FYN: variants seen among roughly 807,000 people sequenced by gnomAD.
The protein encoded by FYN is tyrosine-protein kinase Fyn.
Under a neutral mutation model 70.2 loss-of-function variants are expected in FYN, and 10 were observed. That is an observed-to-expected ratio of 0.14 (90% CI 0.09 to 0.24). The LOEUF (loss-of-function observed/expected upper bound fraction) is 0.24, where lower values mean the gene tolerates loss of function less well. FYN is among the 10% of genes least tolerant of loss of function. FYN has a pLI of 1.00. For synonymous variants in FYN, 236 were observed against 248.6 expected, an observed-to-expected ratio of 0.95 and a Z score of 0.48; for missense variants, 319 against 673.1, an observed-to-expected ratio of 0.47 and a Z score of 5.82.
At chr6:111,831,750 T>G (rs1175503928) in intron 2 of FYN, among the ~76,000 whole-genome samples, 1 of 152,220 alleles carries the variant, frequency 6.6e-6, no homozygotes. Flanking sequence ...AGCCCTCCTG[T>G]CTCTCTTAGG....
At chr6:111,718,291 G>C (rs1800765149) in intron 4 of FYN, among the ~76,000 whole-genome samples, 1 of 152,210 alleles carries the variant, frequency 6.6e-6, no homozygotes, top group Admixed American at 6.5e-5. Context: ...GCAGTATTGG[G>C]AGAAAGGACA....
chr6:111,834,277 A>G (rs1443519954), intron 2 of FYN, among the ~76,000 whole-genome samples: 1 of 151,860 alleles, frequency 6.6e-6, no homozygotes, highest in Non-Finnish European at 1.5e-5. Context: ...AGGATTGTTT[A>G]TTTCTCTCTC....
chr6:111,767,525 C>T (rs920553726), intron 3 of FYN, among the ~76,000 whole-genome samples: 2 of 151,726 alleles, frequency 1.3e-5, no homozygotes, highest in Non-Finnish European at 2.9e-5. Flanking sequence ...TCTCAGCCTC[C>T]GAGTAGCTGG....
intron 10 of FYN, among the ~76,000 whole-genome samples, chr6:111,695,165 A>G (rs931845944): frequency 9.2e-5 from 14 of 152,250 alleles, no homozygotes; most frequent in African/African-American, 3.1e-4. Context: ...CTCAGGTCCC[A>G]TCCCAGATCG....
chr6:111,742,754 T>C (rs556012303), intron 3 of FYN, among the ~76,000 whole-genome samples: 1 of 152,280 alleles, frequency 6.6e-6, no homozygotes, highest in African/African-American at 2.4e-5. Context: ...CCATCTTATG[T>C]CAAAAGTAAA....
At chr6:111,837,364 C>G (rs1170381343) in intron 2 of FYN, among the ~76,000 whole-genome samples, 1 of 151,992 alleles carries the variant, frequency 6.6e-6, no homozygotes, top group Non-Finnish European at 1.5e-5. Context: ...TCCCCTACTC[C>G]TACTCTTTAG....
At chr6:111,862,914 A>T (rs1344536774) in intron 1 of FYN, among the ~76,000 whole-genome samples, 2 of 152,226 alleles carry the variant, frequency 1.3e-5, no homozygotes, top group Non-Finnish European at 2.9e-5. Flanking sequence ...AAAGGAAAAC[A>T]AAGGCCGGAG....
chr6:111,750,197 C>A (rs758493335), intron 3 of FYN, among the ~76,000 whole-genome samples: 10 of 152,196 alleles, frequency 6.6e-5, no homozygotes, highest in Non-Finnish European at 1.0e-4. Context: ...TAATCCCCAA[C>A]TTTGGAGGTG....
intron 3 of FYN, among the ~76,000 whole-genome samples, chr6:111,778,576 TG>T (rs1302104577): frequency 6.6e-6 from 1 of 152,000 alleles, no homozygotes; most frequent in Non-Finnish European, 1.5e-5. Flanking sequence ...CTTTTGTTTT[TG>T]TTTTTTTTTT....
At chr6:111,747,041 A>C (rs1037618665) in intron 3 of FYN, among the ~76,000 whole-genome samples, 1 of 152,152 alleles carries the variant, frequency 6.6e-6, no homozygotes, top group Non-Finnish European at 1.5e-5. Context: ...AATATTCTTT[A>C]AAAAATTAAA....
At position 111,673,622 on chromosome 6, in the gene FYN, GTT is replaced by G. The variant is rs71021858; in HGVS notation, c.1405+875_1405+876del. ...AATCGTCACTATCGTTTCTATCATT[GTT>G]TTTTTTTTTTTTTTTTTCTTTAAGC... On this transcript the variant is annotated intron_variant, in intron 13 of 13. Transcript: ENST00000354650. Among the ~76,000 whole-genome samples, 915 of 116,586 alleles carry G rather than the reference GTT, an allele frequency of 7.8e-3. 20 individuals are homozygous for G. Among genetic ancestry groups the G allele is most frequent in the African/African-American group, 0.025 (785 of 31,680 alleles). 76.5% of individuals were successfully genotyped at this position (116,586 alleles called of 152,430 possible).
chr6:111,872,431 AG>A lies in FYN; in HGVS notation c.-123+536del, dbSNP rs1394099909. 2.7e-5 allele frequency among the ~76,000 whole-genome samples: 4 copies of A among 147,106 alleles called. No individual in the cohort carries two copies. The Admixed American group carries it at 2.8e-4, about 10-fold the overall frequency. The stretch of plus-strand genomic sequence containing the variant: ...GTGGGTGGTGGCACAGGAAGAGTGA[AG>A]GGGAGGATGGGGGAAGTGCAAGGGA... On this transcript the variant is annotated intron_variant, in intron 1 of 13. Transcript: ENST00000354650.
At chr6:111,761,844 C>T (rs189173304) in intron 3 of FYN, among the ~76,000 whole-genome samples, 32 of 151,776 alleles carry the variant, frequency 2.1e-4, no homozygotes, top group African/African-American at 7.2e-4. Context: ...GTACTTTTAG[C>T]AAAAAAAATG....
intron 12 of FYN, among the ~76,000 whole-genome samples, chr6:111,679,437 G>A (rs955557228): frequency 6.6e-6 from 1 of 152,172 alleles, no homozygotes; most frequent in Non-Finnish European, 1.5e-5. Context: ...TACTGTGCTT[G>A]AGTGCTGGAG....
At chr6:111,815,745 GTCTC>G (rs1772469845) in intron 2 of FYN, among the ~76,000 whole-genome samples, 1 of 148,304 alleles carries the variant, frequency 6.7e-6, no homozygotes, top group Non-Finnish European at 1.5e-5. Flanking sequence ...TTGAGACAGA[GTCTC>G]TCTCTGTTGC....
intron 3 of FYN, among the ~76,000 whole-genome samples, chr6:111,728,958 T>C (rs1366490422): frequency 1.3e-5 from 2 of 152,090 alleles, no homozygotes; most frequent in East Asian, 3.8e-4. Context: ...TTGTGAAACA[T>C]ATGGGAGAAT....
At chr6:111,762,527 C>T (rs1803048885) in intron 3 of FYN, among the ~76,000 whole-genome samples, 1 of 152,146 alleles carries the variant, frequency 6.6e-6, no homozygotes, top group South Asian at 2.1e-4. Flanking sequence ...CTAAGGCTGA[C>T]AGAACAGACT....
intron 5 of FYN, among the ~76,000 whole-genome samples, chr6:111,713,215 G>A (rs764646282): frequency 1.3e-5 from 2 of 152,182 alleles, no homozygotes; most frequent in African/African-American, 4.8e-5. Flanking sequence ...TTCAAGAAAA[G>A]GGTGGGCTTT....
chr6:111,872,513 G>T (rs1260801397), intron 1 of FYN, among the ~76,000 whole-genome samples: 2 of 149,258 alleles, frequency 1.3e-5, no homozygotes, highest in African/African-American at 4.9e-5. Flanking sequence ...GCCGAGGGAG[G>T]AGGCCGAGAG....
Sources: allele counts gnomAD v4.1 joint callset (sites outside exome capture counted in the v4.1 genomes callset), GRCh38; gene constraint gnomAD v4.1.1; transcripts MANE v1.5; gene names NCBI Gene and HGNC (gene_info 2026-07-23, HGNC 2026-07-21).